Variants in STXBP5 observed in about 807,000 individuals in gnomAD.
STXBP5 encodes the protein syntaxin-binding protein 5.
STXBP5 carries 50 observed loss-of-function variants against 152.4 expected under a neutral mutation model. The observed-to-expected ratio is 0.33, with a 90% CI of 0.26 to 0.42. STXBP5 has a LOEUF of 0.42. Among genes scored for constraint, STXBP5 ranks in the 10% least tolerant of loss-of-function variants. The probability of loss-of-function intolerance (pLI) is 1.00; values close to 1 mark genes in which losing one functional copy is unlikely to be tolerated. For missense variants in STXBP5, 1,167 were observed against 1,388.6 expected, an observed-to-expected ratio of 0.84 and a Z score of 2.54; for synonymous variants, 492 against 494.7, an observed-to-expected ratio of 0.99 and a Z score of 0.07.
chr6:147,276,996 A>G (rs1026026484), intron 7 of STXBP5, among the ~76,000 whole-genome samples: 1 of 152,134 alleles, frequency 6.6e-6, no homozygotes, highest in Admixed American at 6.5e-5. Flanking sequence ...TGTTGGTAGC[A>G]TTAAATGCAT....
At chr6:147,265,155 A>G (rs1779830800) in intron 6 of STXBP5, among the ~76,000 whole-genome samples, 1 of 152,044 alleles carries the variant, frequency 6.6e-6, no homozygotes, top group Admixed American at 6.6e-5. Context: ...AACAAATACC[A>G]TTTTTTTCCA....
intron 26 of STXBP5, among the ~76,000 whole-genome samples, chr6:147,379,345 C>A (rs889635074): frequency 6.6e-6 from 1 of 152,006 alleles, no homozygotes; most frequent in African/African-American, 2.4e-5. Flanking sequence ...AGAAATAAAT[C>A]TTAAGAGAAC....
At chr6:147,307,763 A>G (rs749760049) in intron 9 of STXBP5, among the ~76,000 whole-genome samples, 1 of 152,230 alleles carries the variant, frequency 6.6e-6, no homozygotes, top group Non-Finnish European at 1.5e-5. Context: ...GTGACAGGTC[A>G]GTTGGCATTT....
intron 16 of STXBP5, among the ~76,000 whole-genome samples, chr6:147,322,792 T>TA (rs1783004080): frequency 6.6e-6 from 1 of 152,286 alleles, no homozygotes; most frequent in Middle Eastern, 3.4e-3. Flanking sequence ...TCACATTTTT[T>TA]AAAAAAATGT....
intron 9 of STXBP5, among the ~76,000 whole-genome samples, chr6:147,294,611 C>T (rs562821515): frequency 6.6e-6 from 1 of 151,902 alleles, no homozygotes; most frequent in Admixed American, 6.6e-5. Context: ...GTATTCCTTC[C>T]TAAATTGAGA....
chr6:147,256,087 C>T (rs967886924), intron 4 of STXBP5, among the ~76,000 whole-genome samples: 9 of 152,128 alleles, frequency 5.9e-5, no homozygotes, highest in African/African-American at 1.7e-4. Flanking sequence ...AGTTTTAGAA[C>T]GTATTGCCAT....
Position 147,364,257 on chromosome 6 carries a change from A to G in STXBP5, c.3081+91A>G, listed in dbSNP as rs936895487. On this transcript the variant is annotated intron_variant, in intron 25 of 27. Transcript: ENST00000321680. ...GTCTGCCCCTTATTCTCATGGAACTATACAAGTGAGCCTGCTTGGGAAAAT... is the reference window on the plus strand; with the variant it reads ...GTCTGCCCCTTATTCTCATGGAACTGTACAAGTGAGCCTGCTTGGGAAAAT... The G allele has an allele frequency of 2.6e-5, 31 of 1,185,060 alleles. 2 individuals carry two copies. In the South Asian group the frequency reaches 4.9e-4, roughly 19 times the overall value. The allele number at this position is 1,185,060 out of a possible 1,614,324, so 73.4% of individuals were successfully genotyped here. A position where few individuals can be genotyped will look rare whatever the true frequency, so the allele number is the denominator to read the frequency against.
intron 19 of STXBP5, among the ~76,000 whole-genome samples, chr6:147,338,126 G>A (rs1372779924): frequency 2.0e-5 from 3 of 152,008 alleles, no homozygotes; most frequent in Non-Finnish European, 4.4e-5. Context: ...TTTGCCTCTG[G>A]CAGAAAAGCT....
At chr6:147,250,424 T>C (rs1779025693) in intron 4 of STXBP5, among the ~76,000 whole-genome samples, 1 of 152,186 alleles carries the variant, frequency 6.6e-6, no homozygotes. Context: ...AAAAAAATAG[T>C]ATATTTGCAT....
chr6:147,253,123 G>T (rs189934540), intron 4 of STXBP5, among the ~76,000 whole-genome samples: 3 of 151,974 alleles, frequency 2.0e-5, no homozygotes, highest in African/African-American at 7.3e-5. Context: ...TGATCAAATC[G>T]GCTTCATCCC....
chr6:147,209,838 A>G (rs1177014686), intron 2 of STXBP5, among the ~76,000 whole-genome samples: 3 of 152,182 alleles, frequency 2.0e-5, no homozygotes, highest in African/African-American at 7.2e-5. Flanking sequence ...GGAAAACAGT[A>G]TGGGCAAAAG....
intron 27 of STXBP5, among the ~76,000 whole-genome samples, chr6:147,383,321 C>T (rs1217788374): frequency 6.6e-6 from 1 of 151,972 alleles, no homozygotes; most frequent in Non-Finnish European, 1.5e-5. Context: ...TCAGAGTCTA[C>T]TACCACTTTG....
chr6:147,378,939 T>G (rs1785941097), intron 26 of STXBP5, among the ~76,000 whole-genome samples: 2 of 152,294 alleles, frequency 1.3e-5, no homozygotes, highest in African/African-American at 4.8e-5. Flanking sequence ...GGTGTTCCCA[T>G]GGCTGTGTTT....
chr6:147,224,153 C>T (rs183082435), intron 2 of STXBP5, among the ~76,000 whole-genome samples: 11 of 152,298 alleles, frequency 7.2e-5, no homozygotes, highest in Admixed American at 1.3e-4. Flanking sequence ...TGGCCAGGTG[C>T]GATGGCACAT....
In STXBP5 at chr6:147,294,109, G is replaced by A. The variant is rs199800169; in HGVS notation, c.917+2937G>A. On this transcript the variant is annotated intron_variant, in intron 9 of 27. Coordinates refer to ENST00000321680, the MANE Select transcript of STXBP5 (RefSeq NM_001127715.4). ...GTATTTTAGTGGCAGTTTTATTATGGAACCAGTTCTTTCTTTATAAGAAGT... is the reference window on the plus strand; with the variant it reads ...GTATTTTAGTGGCAGTTTTATTATGAAACCAGTTCTTTCTTTATAAGAAGT... Among the ~76,000 whole-genome samples the A allele has an allele frequency of 7.2e-5, 11 of 152,232 alleles. No homozygotes were observed. The East Asian group carries it at 1.9e-3, about 27-fold the overall frequency.
At chr6:147,276,208 A>T (rs866801821) in intron 7 of STXBP5, among the ~76,000 whole-genome samples, 1 of 152,232 alleles carries the variant, frequency 6.6e-6, no homozygotes, top group Non-Finnish European at 1.5e-5. Context: ...ATATATACTT[A>T]GTATTAGAAA....
At chr6:147,225,505 A>G (rs1023521926) in intron 2 of STXBP5, among the ~76,000 whole-genome samples, 2 of 152,224 alleles carry the variant, frequency 1.3e-5, no homozygotes, top group Non-Finnish European at 2.9e-5. Flanking sequence ...CTTGTTCCTC[A>G]TTGAAAATAA....
In STXBP5 at chr6:147,204,523, C is replaced by T; in HGVS notation, c.-10C>T. On this transcript the variant is annotated 5_prime_UTR_variant, in exon 1 of 28. Coordinates refer to ENST00000321680, the MANE Select transcript of STXBP5 (RefSeq NM_001127715.4). The surrounding 1 kb of genome is among the most constrained non-coding windows in gnomAD (Gnocchi z 4.3). ...CCCCTCCCGGGCTGCGGGGGAGCCCCTCCGAGACCATGAGGAAATTCAACA... is the reference window on the plus strand; with the variant it reads ...CCCCTCCCGGGCTGCGGGGGAGCCCTTCCGAGACCATGAGGAAATTCAACA... 10 of 1,611,286 alleles carry T rather than the reference C, an allele frequency of 6.2e-6. No individual in the cohort carries two copies. The highest frequency in any genetic ancestry group is 1.1e-5 in the South Asian group (1 of 90,946).
intron 4 of STXBP5, among the ~76,000 whole-genome samples, chr6:147,241,649 T>C (rs1778549512): frequency 6.6e-6 from 1 of 152,180 alleles, no homozygotes; most frequent in Non-Finnish European, 1.5e-5. Context: ...CATAGCATCT[T>C]ATAGATTAGA....
Sources: allele counts gnomAD v4.1 joint callset (sites outside exome capture counted in the v4.1 genomes callset), GRCh38; gene constraint gnomAD v4.1.1; non-coding constraint Gnocchi (gnomAD v3.1); transcripts MANE v1.5; gene names NCBI Gene and HGNC (gene_info 2026-07-23, HGNC 2026-07-21).